TCF12: variants seen among roughly 807,000 people sequenced by gnomAD.
TCF12 encodes DNA-binding protein HTF4.
TCF12 carries 45 observed loss-of-function variants against 86.0 expected under a neutral mutation model. That is an observed-to-expected ratio of 0.52 (90% confidence interval 0.41 to 0.67). TCF12 has a LOEUF of 0.67. Among genes scored for constraint, TCF12 ranks in the 30% least tolerant of loss-of-function variants. The pLI, the probability that TCF12 is intolerant of heterozygous loss-of-function variation, is 0.00. For missense variants in TCF12, 881 were observed against 859.9 expected, an observed-to-expected ratio of 1.02 and a Z score of -0.31; for synonymous variants, 330 against 299.6, an observed-to-expected ratio of 1.10 and a Z score of -1.05.
rs73415472 is a variant in TCF12 at position 57,182,380 on chromosome 15, A to G, written c.391-9778A>G. On this transcript the variant is annotated intron_variant, in intron 6 of 20. Transcript: ENST00000333725. ...GTTTAGCACTTGATTTTTTAATTGT[A>G]TTTTTTTCATTGTTTTGTTAAATAT... is the stretch of plus-strand genomic sequence containing the variant. Among the ~76,000 whole-genome samples the G allele has an allele frequency of 3.2e-3, 491 of 152,074 alleles. 4 individuals are homozygous for G. The highest frequency in any genetic ancestry group is 0.011 in the African/African-American group (473 of 41,506).
At chr15:57,019,752 C>G (rs534680285) in intron 3 of TCF12, among the ~76,000 whole-genome samples, 1 of 144,452 alleles carries the variant, frequency 6.9e-6, no homozygotes, top group Admixed American at 7.0e-5. Flanking sequence ...TCTATAGGAG[C>G]AATTGGGGAT....
chr15:57,149,898 T>C (rs2053621368), intron 5 of TCF12, among the ~76,000 whole-genome samples: 1 of 152,142 alleles, frequency 6.6e-6, no homozygotes, highest in Non-Finnish European at 1.5e-5. Flanking sequence ...ATTTTTTTCC[T>C]TTAAAGGGGG....
intron 3 of TCF12, among the ~76,000 whole-genome samples, chr15:57,038,593 T>C (rs2066670705): frequency 6.6e-6 from 1 of 152,192 alleles, no homozygotes; most frequent in African/African-American, 2.4e-5. Flanking sequence ...TTTCATACCT[T>C]CGCATTCTTG....
At chr15:57,068,204 A>G (rs550406976) in intron 4 of TCF12, among the ~76,000 whole-genome samples, 2 of 152,246 alleles carry the variant, frequency 1.3e-5, no homozygotes, top group African/African-American at 2.4e-5. Context: ...GGGGATAATG[A>G]TATCTGTTTC....
intron 5 of TCF12, among the ~76,000 whole-genome samples, chr15:57,144,278 A>G (rs1268746595): frequency 6.6e-6 from 1 of 152,190 alleles, no homozygotes; most frequent in Non-Finnish European, 1.5e-5. Context: ...TACGAGGCAC[A>G]TTCTAAGGAT....
intron 3 of TCF12, among the ~76,000 whole-genome samples, chr15:56,967,862 TG>T (rs1157580856): frequency 6.6e-6 from 1 of 152,134 alleles, no homozygotes; most frequent in East Asian, 1.9e-4. Flanking sequence ...GTGTGAATGT[TG>T]TTTTTTTTTA....
At chr15:57,090,251 T>C (rs1388198682) in intron 4 of TCF12, among the ~76,000 whole-genome samples, 1 of 151,882 alleles carries the variant, frequency 6.6e-6, no homozygotes, top group Admixed American at 6.6e-5. Context: ...AAAAAAATGG[T>C]AAGCTCTGTG....
chr15:57,171,368 A>G (rs1457330524), intron 6 of TCF12, among the ~76,000 whole-genome samples: 1 of 152,168 alleles, frequency 6.6e-6, no homozygotes, highest in African/African-American at 2.4e-5. Context: ...AGTATTTATT[A>G]TAATGAGTCA....
intron 6 of TCF12, among the ~76,000 whole-genome samples, chr15:57,179,185 G>A (rs1393835668): frequency 6.6e-6 from 1 of 151,968 alleles, no homozygotes; most frequent in Non-Finnish European, 1.5e-5. Flanking sequence ...CTTTTTTTGT[G>A]CTAGAAAGAC....
At chr15:57,200,840 G>A (rs996706438) in intron 8 of TCF12, among the ~76,000 whole-genome samples, 3 of 152,052 alleles carry the variant, frequency 2.0e-5, no homozygotes, top group Non-Finnish European at 4.4e-5. Flanking sequence ...GTCTAACTAA[G>A]CTGTATTAAA....
chr15:57,251,850 T>C (rs1050393806), intron 14 of TCF12, among the ~76,000 whole-genome samples: 26 of 152,242 alleles, frequency 1.7e-4, no homozygotes, highest in African/African-American at 6.3e-4. Context: ...TTAAAAATTT[T>C]AAGTGAATAC....
intron 3 of TCF12, among the ~76,000 whole-genome samples, chr15:57,058,655 A>G (rs1200027712): frequency 6.6e-6 from 1 of 152,228 alleles, no homozygotes; most frequent in Non-Finnish European, 1.5e-5. Context: ...AAAAAAGTCT[A>G]TAACTAATGT....
intron 14 of TCF12, 42 bp from the exon 15 acceptor site, chr15:57,252,379 T>A: frequency 6.5e-7 from 1 of 1,534,078 alleles, no homozygotes; most frequent in Non-Finnish European, 9.0e-7. Flanking sequence ...GGAGTTAATC[T>A]TAACCTGTGC....
At chr15:57,123,968 C>CAAAAA (rs71113066) in intron 5 of TCF12, among the ~76,000 whole-genome samples, 33 of 81,096 alleles carry the variant, frequency 4.1e-4, no homozygotes, top group African/African-American at 1.4e-3. Context: ...GACTCCGTCT[C>CAAAAA]AAAAAAAAAA....
At chr15:57,038,930 A>T (rs2066701455) in intron 3 of TCF12, among the ~76,000 whole-genome samples, 1 of 152,228 alleles carries the variant, frequency 6.6e-6, no homozygotes, top group African/African-American at 2.4e-5. Context: ...CACGGGATAG[A>T]TAGATGACTA....
At chr15:57,031,470 C>T (rs1235267374) in intron 3 of TCF12, among the ~76,000 whole-genome samples, 1 of 152,058 alleles carries the variant, frequency 6.6e-6, no homozygotes, top group Non-Finnish European at 1.5e-5. Context: ...ATAATCAGAC[C>T]CTATAACTCA....
At position 57,243,361 on chromosome 15, in the gene TCF12, C is replaced by G. The variant is rs1043007100; in HGVS notation, c.1036-111C>G. 15 of 860,410 alleles carry G rather than the reference C, an allele frequency of 1.7e-5. No homozygotes were observed. In the African/African-American group the frequency reaches 2.4e-4, roughly 14 times the overall value. 53.3% of individuals were successfully genotyped at this position (860,410 alleles called of 1,614,324 possible). A position where few individuals can be genotyped will look rare whatever the true frequency, so the allele number is the denominator to read the frequency against. On this transcript the variant is annotated intron_variant, in intron 12 of 20. Transcript: ENST00000333725. ...AAACTTGACAAGAAATTTTTTCACT[C>G]TGAAGTCTTAGGGGTGACAACTAGA... is the stretch of plus-strand genomic sequence containing the variant.
chr15:57,215,249 G>C (rs2058285138), intron 8 of TCF12, among the ~76,000 whole-genome samples: 1 of 152,164 alleles, frequency 6.6e-6, no homozygotes, highest in Non-Finnish European at 1.5e-5. Flanking sequence ...ACATTTGAGA[G>C]ACAGCATTCA....
chr15:57,265,068 AATAGT>A (rs71113096), intron 18 of TCF12, among the ~76,000 whole-genome samples: 20,519 of 139,458 alleles, frequency 0.15, 1,710 homozygotes, highest in African/African-American at 0.23. Context: ...TCTAATGATA[AATAGT>A]ATAGTATAGT....
Sources: allele counts gnomAD v4.1 joint callset (sites outside exome capture counted in the v4.1 genomes callset), GRCh38; gene constraint gnomAD v4.1.1; transcripts MANE v1.5; gene names NCBI Gene and HGNC (gene_info 2026-07-23, HGNC 2026-07-21).